The following PPP1R14C variants were observed in gnomAD, a reference collection of about 807,000 sequenced individuals.
The protein encoded by PPP1R14C is protein phosphatase 1 regulatory inhibitor subunit 14C, also known as protein phosphatase 1 regulatory subunit 14C.
A neutral mutation model predicts 20.4 loss-of-function variants in PPP1R14C; 16 were observed. The observed-to-expected ratio is 0.78, with a 90% CI of 0.53 to 1.19. The LOEUF is 1.19. Among genes scored for constraint, PPP1R14C ranks in the 50% most tolerant of loss-of-function variants. PPP1R14C has a pLI of 0.00. For missense variants in PPP1R14C, 211 were observed against 220.1 expected, an observed-to-expected ratio of 0.96 and a Z score of 0.26; for synonymous variants, 91 against 91.0, an observed-to-expected ratio of 1.00 and a Z score of 0.00.
chr6:150,231,880 A>G (rs2114924815), intron 3 of PPP1R14C, among the ~76,000 whole-genome samples: 1 of 152,258 alleles, frequency 6.6e-6, no homozygotes, highest in East Asian at 1.9e-4. Context: ...GTATTTATCC[A>G]TTCTTCTGTT....
At chr6:150,170,521 A>ACC (rs1777485210) in intron 1 of PPP1R14C, among the ~76,000 whole-genome samples, 1 of 151,950 alleles carries the variant, frequency 6.6e-6, no homozygotes, top group Non-Finnish European at 1.5e-5. Context: ...ATGGGGTTTC[A>ACC]ATGTGTTAGC....
chr6:150,178,487 C>T (rs1777587148), intron 1 of PPP1R14C, among the ~76,000 whole-genome samples: 1 of 152,226 alleles, frequency 6.6e-6, no homozygotes, highest in South Asian at 2.1e-4. Context: ...TATGCAGGGC[C>T]AGCCTTTGAA....
chr6:150,209,106 C>A (rs891662804), intron 1 of PPP1R14C, among the ~76,000 whole-genome samples: 5 of 152,192 alleles, frequency 3.3e-5, no homozygotes, highest in African/African-American at 1.2e-4. Context: ...CCACCCCTGC[C>A]ACCCCACGTT....
intron 3 of PPP1R14C, among the ~76,000 whole-genome samples, chr6:150,229,014 T>C (rs1778262183): frequency 6.6e-6 from 1 of 152,220 alleles, no homozygotes; most frequent in African/African-American, 2.4e-5. Context: ...TGTGATTTTA[T>C]GGCCTTTTCT....
At chr6:150,214,001 C>A (rs1177696128) in intron 1 of PPP1R14C, among the ~76,000 whole-genome samples, 3 of 152,234 alleles carry the variant, frequency 2.0e-5, no homozygotes, top group Admixed American at 1.3e-4. Flanking sequence ...TCCAAAACAG[C>A]CTTTCTTCAG....
intron 1 of PPP1R14C, among the ~76,000 whole-genome samples, chr6:150,189,077 T>A (rs1425522341): frequency 3.9e-5 from 6 of 152,040 alleles, no homozygotes; most frequent in Non-Finnish European, 8.8e-5. Context: ...CAGGCTGGTC[T>A]CAAACTCCTG....
At position 150,237,212 on chromosome 6, in the gene PPP1R14C, T is replaced by G. The variant is rs188576730; in HGVS notation, c.424-11534T>G. On this transcript the variant is annotated intron_variant, in intron 3 of 3. Transcript: ENST00000361131. ...TGGTCAGAGTAGCATATTCTTTTTT[T>G]TTGTTGTTTGAAACGGAGTGTTGCT... Among the ~76,000 whole-genome samples, 176 of 152,268 alleles carry G rather than the reference T, an allele frequency of 1.2e-3. 1 individual carries two copies. Among genetic ancestry groups the G allele is most frequent in the African/African-American group, 3.5e-3 (144 of 41,550 alleles).
At chr6:150,248,121 TG>T (rs564021427) in intron 3 of PPP1R14C, among the ~76,000 whole-genome samples, 36 of 152,256 alleles carry the variant, frequency 2.4e-4, no homozygotes, top group Admixed American at 7.2e-4. Context: ...AGTCCCATCT[TG>T]GGGGCCCTAC....
chr6:150,220,728 G>T lies in PPP1R14C; in HGVS notation c.423+3872G>T, dbSNP rs114070887. Among the ~76,000 whole-genome samples, 183 of 152,330 alleles carry T rather than the reference G, an allele frequency of 1.2e-3. 1 individual carries two copies. Among genetic ancestry groups the T allele is most frequent in the African/African-American group, 4.2e-3 (175 of 41,572 alleles). On this transcript the variant is annotated intron_variant, in intron 3 of 3. Transcript: ENST00000361131. ...CTTTTGCCTGGCTTCGCAGCCAACA[G>T]TGAAATGCAGTAAAAGCACTGCATT...
Position 150,221,239 on chromosome 6 carries a change from C to T in PPP1R14C, c.423+4383C>T, listed in dbSNP as rs539641871. On this transcript the variant is annotated intron_variant, in intron 3 of 3. Transcript: ENST00000361131. ...AACATACATTACTTTATTTAATCCT[C>T]ACAATTGTCACTTTAAGTAGACAGG... Among the ~76,000 whole-genome samples the T allele has an allele frequency of 1.1e-3, 164 of 152,324 alleles. 1 individual carries two copies. Among genetic ancestry groups the T allele is most frequent in the African/African-American group, 3.7e-3 (153 of 41,576 alleles).
intron 1 of PPP1R14C, among the ~76,000 whole-genome samples, chr6:150,179,295 G>A: frequency 6.6e-6 from 1 of 152,074 alleles, no homozygotes; most frequent in South Asian, 2.1e-4. Flanking sequence ...GGAGGCTGAG[G>A]CAGGAGGTTT....
At chr6:150,196,453 CTT>C (rs59863369) in intron 1 of PPP1R14C, among the ~76,000 whole-genome samples, 6 of 146,736 alleles carry the variant, frequency 4.1e-5, no homozygotes, top group East Asian at 2.0e-4. Flanking sequence ...CTTCTAAGGA[CTT>C]TTTTTTTTTT....
chr6:150,233,416 A>G (rs1288301678), intron 3 of PPP1R14C, among the ~76,000 whole-genome samples: 1 of 152,234 alleles, frequency 6.6e-6, no homozygotes, highest in African/African-American at 2.4e-5. Context: ...TTCTGGTCTC[A>G]AAAACATTTC....
At chr6:150,187,662 A>G (rs1055070818) in intron 1 of PPP1R14C, among the ~76,000 whole-genome samples, 1 of 152,182 alleles carries the variant, frequency 6.6e-6, no homozygotes, top group South Asian at 2.1e-4. Flanking sequence ...TCTATGGTGT[A>G]TATGTACCAA....
intron 1 of PPP1R14C, among the ~76,000 whole-genome samples, chr6:150,168,515 A>G (rs1021990278): frequency 2.0e-5 from 3 of 147,110 alleles, no homozygotes; most frequent in East Asian, 4.0e-4. Flanking sequence ...CCTGGGCGAA[A>G]GAGCGAGACT....
chr6:150,194,834 A>C (rs1777784392), intron 1 of PPP1R14C: 1 of 985,412 alleles, frequency 1.0e-6, no homozygotes, highest in Non-Finnish European at 1.2e-6. Flanking sequence ...GTACCGGGGA[A>C]GTCTACTTGT....
chr6:150,242,035 A>G (rs1778437979), intron 3 of PPP1R14C, among the ~76,000 whole-genome samples: 2 of 152,198 alleles, frequency 1.3e-5, no homozygotes, highest in African/African-American at 4.8e-5. Context: ...TAGGAAAGAG[A>G]GTTTTGTTTT....
At chr6:150,165,844 A>G (rs1777416251) in intron 1 of PPP1R14C, among the ~76,000 whole-genome samples, 1 of 152,256 alleles carries the variant, frequency 6.6e-6, no homozygotes. Flanking sequence ...AGATGAAAAT[A>G]AATGTGAAGT....
At position 150,143,233 on chromosome 6, in the gene PPP1R14C, C is replaced by A. The variant is rs1582890405; in HGVS notation, c.41C>A (p.Ala14Asp). 3.6e-6 allele frequency: 5 copies of A among 1,381,270 alleles called. No homozygotes were observed. Among genetic ancestry groups the A allele is most frequent in the Non-Finnish European group, 4.6e-6 (5 of 1,079,318 alleles). 85.6% of individuals were successfully genotyped at this position (1,381,270 alleles called of 1,614,324 possible). The change falls in exon 1 of 4, where the codon GCC becomes GAC. Residue 14 changes from alanine (A) to aspartate (D), a missense_variant. Coordinates refer to ENST00000361131, the MANE Select transcript of PPP1R14C (RefSeq NM_030949.3). The surrounding 1 kb of genome is among the most constrained non-coding windows in gnomAD (Gnocchi z 5.6). Reference sequence around the variant, plus strand: ...GGCAGCAGCGAGACGGCCGGCGGGGCCAGCGGCGGCGGCGCACGGGTTTTC... The same window carrying A: ...GGCAGCAGCGAGACGGCCGGCGGGGACAGCGGCGGCGGCGCACGGGTTTTC... ...ATGSSETAGGASGGGARVFFQ... is the reference protein window; with the variant it reads ...ATGSSETAGGDSGGGARVFFQ...
Sources: allele counts gnomAD v4.1 joint callset (sites outside exome capture counted in the v4.1 genomes callset), GRCh38; gene constraint gnomAD v4.1.1; non-coding constraint Gnocchi (gnomAD v3.1); transcripts MANE v1.5; gene names NCBI Gene and HGNC (gene_info 2026-07-23, HGNC 2026-07-21).